The following PDE4B variants were observed in gnomAD, a reference collection of about 807,000 sequenced individuals.
The protein encoded by PDE4B is 3',5'-cyclic-AMP phosphodiesterase 4B.
In PDE4B, 20 loss-of-function variants were observed where a neutral mutation model predicts 82.2. The ratio of observed to expected loss-of-function variants is 0.24; its 90% CI spans 0.17 to 0.35. The LOEUF is 0.35. PDE4B is among the 10% of genes least tolerant of loss of function. PDE4B has a pLI of 1.00. For missense variants in PDE4B, 655 were observed against 907.2 expected (o/e 0.72, Z 3.57); for synonymous variants, 320 against 318.9 (o/e 1.00, Z -0.04).
intron 7 of PDE4B, among the ~76,000 whole-genome samples, chr1:66,315,292 A>G (rs910754557): frequency 2.6e-5 from 4 of 152,260 alleles, no homozygotes; most frequent in African/African-American, 9.6e-5. Flanking sequence ...TAGAGAAAGT[A>G]AAATGTGTTT....
chr1:66,170,609 C>T (rs1213522052), intron 3 of PDE4B, among the ~76,000 whole-genome samples: 4 of 152,072 alleles, frequency 2.6e-5, no homozygotes, highest in Non-Finnish European at 5.9e-5. Context: ...CTAACTACTC[C>T]TAGATATATA....
At chr1:65,884,910 A>T (rs1234355084) in intron 1 of PDE4B, among the ~76,000 whole-genome samples, 2 of 152,232 alleles carry the variant, frequency 1.3e-5, no homozygotes, top group African/African-American at 4.8e-5. Flanking sequence ...AACTACCATC[A>T]GAGTGAACAG....
chr1:66,062,817 A>G (rs1395828225), intron 3 of PDE4B: 8 of 152,232 alleles, frequency 5.3e-5, no homozygotes, highest in Non-Finnish European at 7.4e-5. Context: ...TGCAAATCCA[A>G]ATGAAATGCA....
At chr1:65,851,243 A>G (rs1036395851) in intron 1 of PDE4B, among the ~76,000 whole-genome samples, 13 of 152,134 alleles carry the variant, frequency 8.5e-5, no homozygotes, top group African/African-American at 2.7e-4. Flanking sequence ...TTGCCATCCA[A>G]CAGTTTAAGT....
intron 1 of PDE4B, among the ~76,000 whole-genome samples, chr1:65,865,241 A>G (rs1021422372): frequency 1.3e-5 from 2 of 152,154 alleles, no homozygotes; most frequent in Non-Finnish European, 2.9e-5. Flanking sequence ...ACCAAGCTCT[A>G]TGGTCCCAGG....
chr1:66,227,692 C>A (rs1420627460), intron 3 of PDE4B, among the ~76,000 whole-genome samples: 1 of 152,214 alleles, frequency 6.6e-6, no homozygotes, highest in Non-Finnish European at 1.5e-5. Context: ...TACATACCTG[C>A]ATGGACTACC....
At chr1:66,237,784 T>G (rs1236061634) in intron 3 of PDE4B, among the ~76,000 whole-genome samples, 3 of 152,186 alleles carry the variant, frequency 2.0e-5, no homozygotes, top group Non-Finnish European at 4.4e-5. Context: ...GAGGTTATTG[T>G]TGGTGTTTAA....
intron 7 of PDE4B, among the ~76,000 whole-genome samples, chr1:66,283,748 G>A: frequency 6.6e-6 from 1 of 151,896 alleles, no homozygotes; most frequent in East Asian, 1.9e-4. Flanking sequence ...GAGGAGGTGG[G>A]GTTAACAACA....
In PDE4B at chr1:65,992,295, G is replaced by A. The variant is rs186349526; in HGVS notation, c.281+73460G>A. The A allele has an allele frequency of 8.1e-4, 124 of 152,294 alleles. 1 individual carries two copies. The highest frequency in any genetic ancestry group is 4.6e-3 in the South Asian group (22 of 4,832). 9.4% of individuals were successfully genotyped at this position (152,294 alleles called of 1,614,324 possible). On this transcript the variant is annotated intron_variant, in intron 3 of 16. Coordinates refer to ENST00000341517, the MANE Select transcript of PDE4B (RefSeq NM_002600.4). ...TTTGTGGAAATCTAAAGCGATGAAGGGTGTTGTTAAGGGGGAAACAGAGTG... is the reference window on the plus strand; with the variant it reads ...TTTGTGGAAATCTAAAGCGATGAAGAGTGTTGTTAAGGGGGAAACAGAGTG...
intron 3 of PDE4B, among the ~76,000 whole-genome samples, chr1:65,982,627 G>A (rs530735559): frequency 3.9e-5 from 6 of 152,252 alleles, no homozygotes; most frequent in African/African-American, 1.4e-4. Context: ...CTGGTGGTTT[G>A]GAACCCTGTG....
At chr1:66,343,834 G>A (rs1661197227) in intron 8 of PDE4B, among the ~76,000 whole-genome samples, 1 of 152,064 alleles carries the variant, frequency 6.6e-6, no homozygotes, top group Admixed American at 6.5e-5. Flanking sequence ...CTCACTGGTG[G>A]GCACAGAACA....
At chr1:65,818,759 G>A (rs1045006375) in intron 1 of PDE4B, among the ~76,000 whole-genome samples, 2 of 150,392 alleles carry the variant, frequency 1.3e-5, no homozygotes, top group Non-Finnish European at 3.0e-5. Context: ...AACAAACTCA[G>A]GAGGCAGATG....
At chr1:65,949,121 C>T (rs76657567) in intron 3 of PDE4B, among the ~76,000 whole-genome samples, 2,050 of 152,150 alleles carry the variant, frequency 0.013, 44 homozygotes, top group African/African-American at 0.047. Context: ...GCCACCTAGC[C>T]TCTGCTCTTC....
At chr1:65,827,517 C>G (rs1646032666) in intron 1 of PDE4B, among the ~76,000 whole-genome samples, 1 of 152,034 alleles carries the variant, frequency 6.6e-6, no homozygotes, top group African/African-American at 2.4e-5. Context: ...TCAACTGACT[C>G]ACTAGTGGAC....
intron 3 of PDE4B, among the ~76,000 whole-genome samples, chr1:65,949,733 C>A (rs1648896622): frequency 6.6e-6 from 1 of 152,040 alleles, no homozygotes; most frequent in South Asian, 2.1e-4. Flanking sequence ...GAAATGTTAT[C>A]TAAGATACCT....
chr1:66,058,233 G>GGCA (rs1235350312), intron 3 of PDE4B, among the ~76,000 whole-genome samples: 3 of 152,190 alleles, frequency 2.0e-5, no homozygotes, highest in Non-Finnish European at 4.4e-5. Flanking sequence ...GGAAGAGGTG[G>GGCA]GTTCCCATGG....
intron 3 of PDE4B, among the ~76,000 whole-genome samples, chr1:66,010,947 A>G (rs1557495618): frequency 6.6e-6 from 1 of 151,276 alleles, no homozygotes; most frequent in Non-Finnish European, 1.5e-5. Flanking sequence ...GGGAATTTTG[A>G]AAGTCATTGA....
chr1:65,859,903 C>A (rs1002796224), intron 1 of PDE4B, among the ~76,000 whole-genome samples: 3 of 152,166 alleles, frequency 2.0e-5, no homozygotes, highest in Admixed American at 2.0e-4. Context: ...TTGCCCTACC[C>A]CTCGTTTTTG....
Position 66,356,037 on chromosome 1 carries a change from A to G in PDE4B, c.841+417A>G, listed in dbSNP as rs79906326. 3.1e-4 allele frequency among the ~76,000 whole-genome samples: 47 copies of G among 152,278 alleles called. No individual in the cohort carries two copies. The East Asian group carries it at 4.2e-3, about 14-fold the overall frequency. ...GAGCTTTGAGCAAAAGGTTTCCTCT[A>G]TGATGTTTTGTAGGGGATATGGTTG... On this transcript the variant is annotated intron_variant, in intron 9 of 16. Transcript: ENST00000341517.
Sources: gnomAD v4.1 joint callset for allele counts (sites outside exome capture counted in the v4.1 genomes callset) on GRCh38, gnomAD v4.1.1 for gene constraint, MANE v1.5 for transcripts, NCBI Gene and HGNC (gene_info 2026-07-23, HGNC 2026-07-21) for gene names.